Variants in CDH10 observed in about 807,000 individuals in gnomAD.
CDH10 encodes cadherin 10.
Under a neutral mutation model 73.1 loss-of-function variants are expected in CDH10, and 30 were observed. The ratio of observed to expected loss-of-function variants is 0.41; its 90% CI spans 0.31 to 0.56. The LOEUF (loss-of-function observed/expected upper bound fraction) is 0.56. Among genes scored for constraint, CDH10 ranks in the 20% least tolerant of loss-of-function variants. CDH10 has a pLI of 0.27. For synonymous variants in CDH10, 345 were observed against 348.2 expected (o/e 0.99, Z 0.10); for missense variants, 815 against 973.7 (o/e 0.84, Z 2.17).
At chr5:24,504,746 G>A (rs1180073707) in intron 8 of CDH10, among the ~76,000 whole-genome samples, 11 of 151,556 alleles carry the variant, frequency 7.3e-5, no homozygotes, top group Non-Finnish European at 1.5e-4. Context: ...GGATGGTCTG[G>A]ATCTCCTGAC....
intron 2 of CDH10, among the ~76,000 whole-genome samples, chr5:24,538,861 G>C (rs1394216971): frequency 6.6e-6 from 1 of 152,038 alleles, no homozygotes; most frequent in Non-Finnish European, 1.5e-5. Context: ...AGGAAGAACA[G>C]ATCTTGGCTT....
intron 5 of CDH10, among the ~76,000 whole-genome samples, chr5:24,527,681 G>A (rs1249012869): frequency 6.6e-6 from 1 of 151,866 alleles, no homozygotes; most frequent in African/African-American, 2.4e-5. Flanking sequence ...GCTAAACACA[G>A]TAAAAAATAA....
chr5:24,587,563 C>A (rs550019581), intron 2 of CDH10, among the ~76,000 whole-genome samples: 1 of 152,152 alleles, frequency 6.6e-6, no homozygotes, highest in Non-Finnish European at 1.5e-5. Context: ...TATTGAGATA[C>A]CTTCTGCAGA....
chr5:24,515,664 G>C (rs552993267), intron 5 of CDH10, among the ~76,000 whole-genome samples: 2 of 152,224 alleles, frequency 1.3e-5, no homozygotes, highest in South Asian at 4.1e-4. Context: ...GCATTTGACT[G>C]TCATGTCTCC....
At chr5:24,602,226 A>G (rs1473217827) in intron 1 of CDH10, among the ~76,000 whole-genome samples, 1 of 152,154 alleles carries the variant, frequency 6.6e-6, no homozygotes, top group African/African-American at 2.4e-5. Context: ...GAGATTATAC[A>G]TTAGTCCTTG....
intron 2 of CDH10, among the ~76,000 whole-genome samples, chr5:24,591,656 T>G (rs1396543897): frequency 1.3e-5 from 2 of 151,822 alleles, no homozygotes; most frequent in East Asian, 3.9e-4. Flanking sequence ...TTAATATGAC[T>G]CAGGTTGATT....
intron 2 of CDH10, among the ~76,000 whole-genome samples, chr5:24,579,550 C>A (rs1505881): frequency 0.38 from 57,603 of 151,832 alleles, 13,300 homozygotes; most frequent in East Asian, 0.54. Flanking sequence ...GCTGGACTCA[C>A]TACATCATGA....
chr5:24,554,444 A>G (rs1744684421), intron 2 of CDH10, among the ~76,000 whole-genome samples: 1 of 150,710 alleles, frequency 6.6e-6, no homozygotes, highest in Non-Finnish European at 1.5e-5. Context: ...CATATTCTCT[A>G]ACTTTTCAAG....
At chr5:24,543,691 C>T (rs1744236170) in intron 2 of CDH10, among the ~76,000 whole-genome samples, 1 of 151,960 alleles carries the variant, frequency 6.6e-6, no homozygotes. Context: ...TAAATTTGCA[C>T]CCAACAACAA....
chr5:24,636,227 C>A (rs1747863773), intron 1 of CDH10, among the ~76,000 whole-genome samples: 1 of 151,832 alleles, frequency 6.6e-6, no homozygotes, highest in Non-Finnish European at 1.5e-5. Context: ...TTATTAACCC[C>A]ATTTTACAGA....
intron 1 of CDH10, among the ~76,000 whole-genome samples, chr5:24,605,983 A>G (rs1375752579): frequency 3.3e-5 from 5 of 152,176 alleles, no homozygotes; most frequent in Admixed American, 2.0e-4. Flanking sequence ...ATCATATACA[A>G]TGTATGATTT....
chr5:24,633,217 T>C (rs896120456), intron 1 of CDH10, among the ~76,000 whole-genome samples: 93 of 151,872 alleles, frequency 6.1e-4, no homozygotes, highest in African/African-American at 2.2e-3. Flanking sequence ...AATAATTGTA[T>C]TATTTTCTTT....
At chr5:24,610,763 C>G (rs1248973089) in intron 1 of CDH10, among the ~76,000 whole-genome samples, 1 of 152,068 alleles carries the variant, frequency 6.6e-6, no homozygotes, top group Non-Finnish European at 1.5e-5. Context: ...ATAGGGAAGA[C>G]AGTTTGGAGA....
intron 5 of CDH10, 57 bp from the exon 6 acceptor site, chr5:24,511,571 G>C (rs1007511327): frequency 2.5e-6 from 2 of 804,040 alleles, no homozygotes; most frequent in East Asian, 2.7e-5. Flanking sequence ...GAGAGAGAGA[G>C]AGAGAGAGAG....
intron 5 of CDH10, among the ~76,000 whole-genome samples, chr5:24,531,534 G>A (rs777052284): frequency 5.3e-5 from 8 of 152,112 alleles, no homozygotes; most frequent in African/African-American, 1.9e-4. Context: ...CCTCACAAAC[G>A]TGGTGGAAGG....
rs780636414 is a variant in CDH10 at position 24,509,644 on chromosome 5, A to G, written c.1178T>C (p.Val393Ala). ...TGTGCCCACTTCAATATCTTCATGA[A>G]CTTCAAACAGATAGGAGGACCTACT... ...VFSRSSYLFE[V>A]HEDIEVGTII... is the part of the protein sequence containing the mutation. The change falls in exon 7 of 12, where the codon GTT becomes GCT. Residue 393 changes from valine (V) to alanine (A), a missense_variant. Physicochemically the swap from Val to Ala is moderately conservative, Grantham distance 64. Coordinates refer to ENST00000264463, the MANE Select transcript of CDH10 (RefSeq NM_006727.5). 1.2e-6 allele frequency: 2 copies of G among 1,613,556 alleles called. No homozygotes were observed. The highest frequency in any genetic ancestry group is 1.7e-6 in the Non-Finnish European group (2 of 1,179,512).
At chr5:24,629,891 A>G (rs1021689532) in intron 1 of CDH10, among the ~76,000 whole-genome samples, 1 of 152,178 alleles carries the variant, frequency 6.6e-6, no homozygotes, top group Non-Finnish European at 1.5e-5. Context: ...GGACTAATAT[A>G]GAATATTTTC....
intron 2 of CDH10, among the ~76,000 whole-genome samples, chr5:24,538,195 T>A (rs1194754401): frequency 3.3e-5 from 5 of 152,068 alleles, no homozygotes; most frequent in Non-Finnish European, 7.4e-5. Flanking sequence ...CATACATTAT[T>A]TTTTGGTTTA....
chr5:24,525,118 A>G (rs1249267505), intron 5 of CDH10, among the ~76,000 whole-genome samples: 2 of 152,130 alleles, frequency 1.3e-5, no homozygotes, highest in Non-Finnish European at 2.9e-5. Context: ...CTTAAGAACA[A>G]CAAAATGATG....
Sources: allele counts gnomAD v4.1 joint callset (sites outside exome capture counted in the v4.1 genomes callset), GRCh38; gene constraint gnomAD v4.1.1; transcripts MANE v1.5; gene names NCBI Gene and HGNC (gene_info 2026-07-23, HGNC 2026-07-21).